Variants in PKHD1 observed in about 807,000 individuals in gnomAD.
PKHD1 encodes PKHD1 ciliary IPT domain containing fibrocystin/polyductin.
A neutral mutation model predicts 412.0 loss-of-function variants in PKHD1; 291 were observed. The observed-to-expected ratio is 0.71, with a 90% CI of 0.64 to 0.78. The LOEUF is 0.78. Among genes scored for constraint, PKHD1 ranks in the 30% least tolerant of loss-of-function variants. The pLI is 0.00. For missense variants in PKHD1, 4,825 were observed against 4,950.7 expected (o/e 0.97, Z 0.76); for synonymous variants, 1,777 against 1,821.5 (o/e 0.98, Z 0.62).
intron 36 of PKHD1, among the ~76,000 whole-genome samples, 185 bp downstream of exon 36, chr6:51,959,685 A>G (rs949578311): frequency 6.6e-6 from 1 of 152,076 alleles, no homozygotes; most frequent in African/African-American, 2.4e-5. Context: ...AATGAGTCCA[A>G]AGAAAGGCCT....
intron 14 of PKHD1, 101 bp from the exon 15 acceptor site, chr6:52,060,143 A>G (rs1808456880): frequency 1.4e-6 from 1 of 720,968 alleles, no homozygotes; most frequent in Non-Finnish European, 2.5e-6. Context: ...ATGGTAATAA[A>G]GAAGAACAAC....
intron 60 of PKHD1, chr6:51,682,128 A>T (rs1031027860): frequency 6.9e-6 from 3 of 437,414 alleles, no homozygotes; most frequent in Non-Finnish European, 1.4e-5. Context: ...ACTCTGATGG[A>T]TGCAGCATCT....
At chr6:52,065,178 G>GAGAGAC (rs1809456039) in intron 12 of PKHD1, 128 bp from the exon 13 acceptor site, 1 of 157,150 alleles carries the variant, frequency 6.4e-6, no homozygotes, top group Non-Finnish European at 1.2e-5. Flanking sequence ...TAGAGAGAGA[G>GAGAGAC]AGAGAGAGAG....
intron 52 of PKHD1, among the ~76,000 whole-genome samples, chr6:51,800,496 C>A (rs1762740711): frequency 6.6e-6 from 1 of 152,170 alleles, no homozygotes; most frequent in South Asian, 2.1e-4. Context: ...AGGGCTGGGG[C>A]TTCTTTTGTA....
rs553885167 is a variant in PKHD1 at position 51,632,859 on chromosome 6, T to C, written c.11507-136A>G. 3.9e-5 allele frequency: 21 copies of C among 538,980 alleles called. 1 individual carries two copies. The South Asian group carries it at 7.2e-4, about 18-fold the overall frequency. The allele number at this position is 538,980 out of a possible 1,614,324, so 33.4% of individuals were successfully genotyped here. A position where few individuals can be genotyped will look rare whatever the true frequency, so the allele number is the denominator to read the frequency against. ...TTCAATATATATTCATTAAATTTAA[T>C]AAATACATAAATTATAAATCCAAGA... is the stretch of plus-strand genomic sequence containing the variant. On this transcript the variant is annotated intron_variant, in intron 64 of 66. Transcript: ENST00000371117.
At chr6:51,830,800 A>ATAATCAGATC in intron 52 of PKHD1, 61 bp downstream of exon 52, 1 of 1,483,292 alleles carries the variant, frequency 6.7e-7, no homozygotes, top group South Asian at 1.1e-5. Flanking sequence ...TAAATGAAAC[A>ATAATCAGATC]TAATCAGATC....
chr6:51,968,365 T>C (rs1235228093), intron 35 of PKHD1, among the ~76,000 whole-genome samples: 1 of 152,172 alleles, frequency 6.6e-6, no homozygotes, highest in Non-Finnish European at 1.5e-5. Flanking sequence ...ACTAACAAAT[T>C]AGGTCCTTTT....
intron 42 of PKHD1, 125 bp downstream of exon 42, chr6:51,903,857 ATATT>A: frequency 7.2e-6 from 3 of 418,066 alleles, no homozygotes; most frequent in Non-Finnish European, 8.1e-6. Flanking sequence ...ATATATATAT[ATATT>A]TAGAAAATAT....
At chr6:51,625,373 A>G (rs1415607142) in intron 66 of PKHD1, among the ~76,000 whole-genome samples, 1 of 152,232 alleles carries the variant, frequency 6.6e-6, no homozygotes. Flanking sequence ...GCTGGTAATA[A>G]TTTCCAAAGA....
chr6:51,650,933 T>C (rs1227708987), intron 61 of PKHD1, among the ~76,000 whole-genome samples: 1 of 152,140 alleles, frequency 6.6e-6, no homozygotes, highest in Non-Finnish European at 1.5e-5. Context: ...TTCTGTGGGT[T>C]CCAGGTTATT....
intron 61 of PKHD1, among the ~76,000 whole-genome samples, chr6:51,652,034 C>T (rs1003517295): frequency 5.9e-5 from 9 of 152,108 alleles, no homozygotes; most frequent in African/African-American, 1.9e-4. Flanking sequence ...ATTGTGCTGT[C>T]GTTATCCAAT....
chr6:51,911,888 A>G lies in PKHD1; in HGVS notation c.6401T>C (p.Leu2134Pro). The change falls in exon 39 of 67, where the codon CTG becomes CCG. Residue 2134 changes from leucine to proline, a missense_variant. Coordinates refer to ENST00000371117, the MANE Select transcript of PKHD1 (RefSeq NM_138694.4). ...EHHILKATVALLSRSITIQGN... is the reference protein window; with the variant it reads ...EHHILKATVAPLSRSITIQGN... ...TTGTATGGTAATACTCCTGCTGAGC[A>G]GAGCCACAGTGGCCTTTAAAATATG... is the stretch of plus-strand genomic sequence containing the variant. 1 of 1,611,896 alleles carries G rather than the reference A, an allele frequency of 6.2e-7. No homozygotes were observed. Among genetic ancestry groups the G allele is most frequent in the Non-Finnish European group, 8.5e-7 (1 of 1,178,192 alleles).
chr6:51,863,616 T>C (rs1292470411), intron 48 of PKHD1, among the ~76,000 whole-genome samples: 2 of 152,070 alleles, frequency 1.3e-5, no homozygotes, highest in Non-Finnish European at 2.9e-5. Context: ...GAATCAGCAA[T>C]TAGAATAAAT....
rs746000400 is a variant in PKHD1, at chr6:51,870,521, T to C, written c.7469A>G (p.Asp2490Gly). The C allele has an allele frequency of 1.4e-5, 22 of 1,612,368 alleles. No homozygotes were observed. The highest frequency in any genetic ancestry group is 1.7e-4 in the Middle Eastern group (1 of 6,058). The change falls in exon 47 of 67, where the codon GAC becomes GGC. Residue 2490 changes from aspartate to glycine, a missense_variant. Physicochemically the swap from Asp to Gly is moderately conservative, Grantham distance 94. Transcript: ENST00000371117. Reference sequence around the variant, plus strand: ...ATAATTACCTTGTCCTTGGGAACAGTCTGAACAGGTTCTAATGGCCACACA... The same window carrying C: ...ATAATTACCTTGTCCTTGGGAACAGCCTGAACAGGTTCTAATGGCCACACA... ...INCVAIRTCSDCSQGQGGFTV... is the reference protein window; with the variant it reads ...INCVAIRTCSGCSQGQGGFTV...
chr6:51,975,223 T>C lies in PKHD1; in HGVS notation c.5752-15197A>G, dbSNP rs188672081. On this transcript the variant is annotated intron_variant, in intron 35 of 66. Coordinates refer to ENST00000371117, the MANE Select transcript of PKHD1 (RefSeq NM_138694.4). The stretch of plus-strand genomic sequence containing the variant: ...TGTTTTTACTTAGGAGAAATATTAA[T>C]GATATTGTATTTGACAATGATTTCT... Among the ~76,000 whole-genome samples the C allele has an allele frequency of 2.6e-3, 392 of 152,264 alleles. 4 individuals are homozygous for C. Among genetic ancestry groups the C allele is most frequent in the South Asian group, 0.013 (61 of 4,828 alleles).
At chr6:51,851,807 A>T (rs933752222) in intron 49 of PKHD1, among the ~76,000 whole-genome samples, 1 of 149,284 alleles carries the variant, frequency 6.7e-6, no homozygotes, top group African/African-American at 2.4e-5. Context: ...CTTCTTTGTT[A>T]ATCTAGCTAG....
chr6:51,680,545 G>T (rs928326824), intron 60 of PKHD1, among the ~76,000 whole-genome samples: 3 of 152,000 alleles, frequency 2.0e-5, no homozygotes, highest in Admixed American at 6.6e-5. Context: ...TTTGGTTTTG[G>T]TTTTGTTTTT....
At chr6:51,847,578 G>A (rs185132540) in intron 50 of PKHD1, among the ~76,000 whole-genome samples, 197 bp downstream of exon 50, 39 of 152,282 alleles carry the variant, frequency 2.6e-4, no homozygotes, top group Admixed American at 1.8e-3. Context: ...GAGAGGCTCT[G>A]TGTATGCTAG....
At chr6:51,990,197 G>T (rs1160218080) in intron 35 of PKHD1, among the ~76,000 whole-genome samples, 1 of 151,602 alleles carries the variant, frequency 6.6e-6, no homozygotes, top group East Asian at 2.0e-4. Context: ...CTCTATCAAA[G>T]ATTTTTTTAA....
Sources: allele counts gnomAD v4.1 joint callset (sites outside exome capture counted in the v4.1 genomes callset), GRCh38; gene constraint gnomAD v4.1.1; transcripts MANE v1.5; gene names NCBI Gene and HGNC (gene_info 2026-07-23, HGNC 2026-07-21).